The following KIAA1217 variants were observed in gnomAD, a reference collection of about 807,000 sequenced individuals.
KIAA1217 encodes KIAA1217, also known as sickle tail protein homolog.
KIAA1217 carries 88 observed loss-of-function variants against 163.9 expected under a neutral mutation model. The ratio of observed to expected loss-of-function variants is 0.54; its 90% CI spans 0.45 to 0.64. KIAA1217 has a LOEUF of 0.64. Ranked by LOEUF, KIAA1217 falls within the 30% of genes least tolerant of loss-of-function variation. The probability of loss-of-function intolerance (pLI) is 0.00; values close to 1 mark genes in which losing one functional copy is unlikely to be tolerated. For missense variants in KIAA1217, 2,372 were observed against 2,475.0 expected (o/e 0.96, Z 0.88); for synonymous variants, 903 against 923.1 (o/e 0.98, Z 0.39).
chr10:24,475,659 C>G (rs2063938345), intron 6 of KIAA1217, among the ~76,000 whole-genome samples: 1 of 152,128 alleles, frequency 6.6e-6, no homozygotes, highest in Non-Finnish European at 1.5e-5. Context: ...TTCCAAAGTC[C>G]TCATGAAGTG....
At chr10:23,879,040 A>G (rs10828561) in intron 1 of KIAA1217, among the ~76,000 whole-genome samples, 34,027 of 151,746 alleles carry the variant, frequency 0.22, 4,102 homozygotes, top group African/African-American at 0.3. Flanking sequence ...TAGAAATCAA[A>G]TGGGCAGTTG....
At position 24,545,180 on chromosome 10, in the gene KIAA1217, A is replaced by G. The variant is rs2075595396; in HGVS notation, c.5334+77A>G. On this transcript the variant is annotated intron_variant, in intron 20 of 20. Coordinates refer to ENST00000376454, the MANE Select transcript of KIAA1217 (RefSeq NM_019590.5). ...GTCACTGACTTAGTTTATACCAAAT[A>G]TTGTGCTTTCTTTGTAAGATAACGG... 1.9e-6 allele frequency: 3 copies of G among 1,580,400 alleles called. No individual in the cohort carries two copies. The Admixed American group carries it at 5.2e-5, about 27-fold the overall frequency.
rs748025032 is a variant in KIAA1217 at position 24,536,638 on chromosome 10, G to T, written c.3415-136G>T. The T allele has an allele frequency of 1.0e-5, 8 of 780,396 alleles. No individual in the cohort carries two copies. The East Asian group carries it at 1.4e-4, about 14-fold the overall frequency. 48.3% of individuals were successfully genotyped at this position (780,396 alleles called of 1,614,324 possible). On this transcript the variant is annotated intron_variant, in intron 16 of 20. Transcript: ENST00000376454. ...AGCACGTGAGGAGCAGGATTTCAGG[G>T]TGCTGCCTCCCTGGCCTAAACCTGC...
intron 2 of KIAA1217, among the ~76,000 whole-genome samples, chr10:24,311,405 G>A (rs1037665688): frequency 6.6e-6 from 1 of 152,310 alleles, no homozygotes; most frequent in Admixed American, 6.5e-5. Context: ...ACTTGACACA[G>A]GAGTCAAGTA....
intron 2 of KIAA1217, among the ~76,000 whole-genome samples, chr10:24,117,123 C>T (rs2063089261): frequency 1.3e-5 from 2 of 152,000 alleles, no homozygotes; most frequent in African/African-American, 4.8e-5. Flanking sequence ...CCGCAACCTC[C>T]ACCTCCCAGG....
At position 24,209,277 on chromosome 10, in the gene KIAA1217, CCATT is replaced by C. The variant is rs1279685247; in HGVS notation, c.70+17_70+20del. ...GACAGATGCAGGGTAAGTAACAGAC[CCATT>C]CAAAGATGGAGTTACAGGGACGCGT... On this transcript the variant is annotated intron_variant, in intron 1 of 20. Transcript: ENST00000376454. 6.2e-7 allele frequency: 1 copy of C among 1,606,262 alleles called. No homozygotes were observed. The highest frequency in any genetic ancestry group is 1.7e-5 in the Admixed American group (1 of 59,934).
intron 1 of KIAA1217, among the ~76,000 whole-genome samples, chr10:23,940,831 C>A (rs572821009): frequency 6.6e-6 from 1 of 152,208 alleles, no homozygotes; most frequent in Non-Finnish European, 1.5e-5. Context: ...AAACAACACA[C>A]TTCTGAATAA....
rs117298200 is a variant in KIAA1217, at chr10:24,197,914, G to A, written c.-170-21712G>A. On this transcript the variant is annotated intron_variant, in intron 2 of 18. Coordinates refer to the KIAA1217 transcript ENST00000376462. ...GGACCTGACACCTGTCCTGGTGCGC[G>A]GAATGCATGGGACGGATAGTTGTCC... 1.2e-3 allele frequency among the ~76,000 whole-genome samples: 178 copies of A among 152,276 alleles called. 2 individuals carry two copies. The East Asian group carries it at 0.028, about 24-fold the overall frequency.
intron 1 of KIAA1217, among the ~76,000 whole-genome samples, chr10:23,856,115 C>T (rs1839645200): frequency 6.6e-6 from 1 of 152,200 alleles, no homozygotes; most frequent in African/African-American, 2.4e-5. Context: ...AGTTTTTCTG[C>T]TCTGTTTTTT....
At chr10:23,928,816 T>C (rs1296168826) in intron 1 of KIAA1217, among the ~76,000 whole-genome samples, 1 of 152,204 alleles carries the variant, frequency 6.6e-6, no homozygotes, top group Non-Finnish European at 1.5e-5. Flanking sequence ...GATTTTGTTT[T>C]GTTCACTTCC....
At chr10:23,744,583 C>G (rs924005654) in intron 1 of KIAA1217, among the ~76,000 whole-genome samples, 1 of 152,060 alleles carries the variant, frequency 6.6e-6, no homozygotes. Context: ...AAAGGCAGCC[C>G]TGGGAAGTAC....
chr10:23,818,813 T>C (rs1003644445), intron 1 of KIAA1217, among the ~76,000 whole-genome samples: 1 of 152,128 alleles, frequency 6.6e-6, no homozygotes, highest in Non-Finnish European at 1.5e-5. Flanking sequence ...CTCTGTAAGC[T>C]CTCTTGACAA....
intron 1 of KIAA1217, among the ~76,000 whole-genome samples, chr10:23,730,745 G>A (rs898895912): frequency 4.6e-5 from 7 of 151,932 alleles, no homozygotes; most frequent in African/African-American, 1.5e-4. Flanking sequence ...TATTTTTGAG[G>A]AGATGCTAAT....
chr10:24,299,054 C>G (rs1021110055), intron 2 of KIAA1217, among the ~76,000 whole-genome samples: 1 of 152,124 alleles, frequency 6.6e-6, no homozygotes, highest in Non-Finnish European at 1.5e-5. Context: ...CTTAAAACAC[C>G]TAGCACAGAG....
At chr10:24,500,182 GA>G (rs2067350386) in intron 8 of KIAA1217, among the ~76,000 whole-genome samples, 1 of 114,842 alleles carries the variant, frequency 8.7e-6, no homozygotes, top group African/African-American at 3.4e-5. Flanking sequence ...GAACTGAACA[GA>G]AGTGTGTGTG....
At chr10:24,207,613 C>T (rs1185052770), upstream of KIAA1217, among the ~76,000 whole-genome samples, 2 of 152,228 alleles carry the variant, frequency 1.3e-5, no homozygotes, top group African/African-American at 4.8e-5. Flanking sequence ...CTGCAAATCC[C>T]ACTGCCTCTA....
At chr10:24,017,313 G>C (rs1175931645) in intron 2 of KIAA1217, among the ~76,000 whole-genome samples, 2 of 152,064 alleles carry the variant, frequency 1.3e-5, no homozygotes, top group South Asian at 2.1e-4. Context: ...TCCTGCCTTG[G>C]CTTCCCAAAG....
chr10:24,301,013 A>G (rs924590034), intron 2 of KIAA1217, among the ~76,000 whole-genome samples: 10 of 152,130 alleles, frequency 6.6e-5, no homozygotes, highest in Non-Finnish European at 1.3e-4. Context: ...GGGTTTCACC[A>G]TGTTGGCCAA....
At chr10:24,537,747 G>A (rs2074250004) in intron 17 of KIAA1217, among the ~76,000 whole-genome samples, 1 of 152,136 alleles carries the variant, frequency 6.6e-6, no homozygotes, top group Non-Finnish European at 1.5e-5. Flanking sequence ...TTTATAAAGT[G>A]TACCTTCCAA....
Sources: gnomAD v4.1 joint callset for allele counts (sites outside exome capture counted in the v4.1 genomes callset) on GRCh38, gnomAD v4.1.1 for gene constraint, MANE v1.5 for transcripts, NCBI Gene and HGNC (gene_info 2026-07-23, HGNC 2026-07-21) for gene names.